Variants in GPATCH2 observed in about 807,000 individuals in gnomAD.
GPATCH2 encodes G-patch domain containing 2.
GPATCH2 carries 51 observed loss-of-function variants against 58.0 expected under a neutral mutation model. That is an observed-to-expected ratio of 0.88 (90% CI 0.70 to 1.11). GPATCH2 has a LOEUF of 1.11. Ranked by LOEUF, GPATCH2 falls within the 50% of genes most tolerant of loss-of-function variation. The pLI, the probability that GPATCH2 is intolerant of heterozygous loss-of-function variation, is 0.00. For synonymous variants in GPATCH2, 222 were observed against 218.5 expected (o/e 1.02, Z -0.14); for missense variants, 625 against 652.2 (o/e 0.96, Z 0.45).
chr1:217,527,594 CAAACA>C lies in GPATCH2; in HGVS notation c.1099-12710_1099-12706del, dbSNP rs531849663. ...GTGCCTTTCTATGTCAGGAGGGAAA[CAAACA>C]AAACAAAACAAAACAAAACAAAACC... On this transcript the variant is annotated intron_variant, in intron 5 of 9. Transcript: ENST00000366935. Among the ~76,000 whole-genome samples, 126 of 150,714 alleles carry C rather than the reference CAAACA, an allele frequency of 8.4e-4. 1 individual carries two copies. In the Middle Eastern group the frequency reaches 0.017, roughly 21 times the overall value.
At chr1:217,621,678 T>A (rs1669194504) in intron 1 of GPATCH2, among the ~76,000 whole-genome samples, 4 of 152,358 alleles carry the variant, frequency 2.6e-5, no homozygotes, top group African/African-American at 9.6e-5. Flanking sequence ...CCATAGTCTA[T>A]ATAGTCTCTA....
At chr1:217,465,397 T>C (rs1660401051) in intron 8 of GPATCH2, among the ~76,000 whole-genome samples, 1 of 152,050 alleles carries the variant, frequency 6.6e-6, no homozygotes, top group South Asian at 2.1e-4. Flanking sequence ...TATAAAACAT[T>C]ATAATTGGAG....
intron 5 of GPATCH2, among the ~76,000 whole-genome samples, chr1:217,532,914 T>C (rs1210947098): frequency 3.4e-5 from 5 of 145,688 alleles, no homozygotes; most frequent in Non-Finnish European, 7.5e-5. Flanking sequence ...TTTTTTTTTT[T>C]TTGAGACAGG....
intron 8 of GPATCH2, among the ~76,000 whole-genome samples, chr1:217,485,583 G>A (rs1571786076): frequency 6.6e-6 from 1 of 151,612 alleles, no homozygotes; most frequent in South Asian, 2.1e-4. Context: ...GTGCACATGT[G>A]GCTGTATTTC....
intron 5 of GPATCH2, among the ~76,000 whole-genome samples, chr1:217,536,861 C>A (rs926387642): frequency 6.6e-6 from 1 of 152,094 alleles, no homozygotes; most frequent in Non-Finnish European, 1.5e-5. Flanking sequence ...CCTGTAATCC[C>A]AGCTACTCGG....
At chr1:217,543,400 G>T (rs1270278408) in intron 5 of GPATCH2, among the ~76,000 whole-genome samples, 1 of 151,312 alleles carries the variant, frequency 6.6e-6, no homozygotes, top group Non-Finnish European at 1.5e-5. Flanking sequence ...CTCCCGAGTA[G>T]CTGGGACTAC....
intron 5 of GPATCH2, among the ~76,000 whole-genome samples, chr1:217,532,013 T>C (rs1664215578): frequency 6.6e-6 from 1 of 152,118 alleles, no homozygotes; most frequent in South Asian, 2.1e-4. Flanking sequence ...TCTGAAAAAA[T>C]AGGATACTGT....
At chr1:217,431,600 T>G (rs961563249) in intron 9 of GPATCH2, among the ~76,000 whole-genome samples, 1 of 152,240 alleles carries the variant, frequency 6.6e-6, no homozygotes, top group Non-Finnish European at 1.5e-5. Context: ...TCAGCCTCTC[T>G]GGGCTTTTGT....
chr1:217,459,674 G>A (rs1009677218), intron 8 of GPATCH2, among the ~76,000 whole-genome samples: 2 of 152,112 alleles, frequency 1.3e-5, no homozygotes, highest in Admixed American at 6.5e-5. Context: ...CTTTGATAAT[G>A]ACACTATTAT....
chr1:217,463,581 G>A (rs562893647), intron 8 of GPATCH2, among the ~76,000 whole-genome samples: 75 of 141,482 alleles, frequency 5.3e-4, no homozygotes, highest in African/African-American at 1.9e-3. Context: ...GAGATGGGAG[G>A]ACTGCCTGAG....
rs185297323 is a variant in GPATCH2, at chr1:217,521,966, G to A, written c.1099-7077C>T. ...AAAGACATAGACTTCAGTTAGTTTC[G>A]AAGCGATCTCACTATATTTTTAAGT... On this transcript the variant is annotated intron_variant, in intron 5 of 9. Transcript: ENST00000366935. Among the ~76,000 whole-genome samples the A allele has an allele frequency of 7.4e-4, 113 of 152,196 alleles. 1 individual carries two copies. The East Asian group carries it at 0.015, about 20-fold the overall frequency.
chr1:217,505,041 CT>C (rs1662482730), intron 6 of GPATCH2, among the ~76,000 whole-genome samples: 1 of 152,118 alleles, frequency 6.6e-6, no homozygotes, highest in African/African-American at 2.4e-5. Flanking sequence ...CATGGAGAGA[CT>C]AACAGTGGTA....
intron 8 of GPATCH2, among the ~76,000 whole-genome samples, chr1:217,483,489 CA>C (rs1661309843): frequency 6.6e-6 from 1 of 151,844 alleles, no homozygotes; most frequent in South Asian, 2.1e-4. Flanking sequence ...CTAGACCCCC[CA>C]TTGCTTTTTT....
At chr1:217,560,629 C>T (rs1308389479) in intron 5 of GPATCH2, among the ~76,000 whole-genome samples, 1 of 152,140 alleles carries the variant, frequency 6.6e-6, no homozygotes, top group Non-Finnish European at 1.5e-5. Context: ...AATTATGAAC[C>T]TCCAATTCTG....
intron 7 of GPATCH2, among the ~76,000 whole-genome samples, chr1:217,492,078 C>T (rs1407250868): frequency 6.6e-6 from 1 of 152,094 alleles, no homozygotes; most frequent in African/African-American, 2.4e-5. Context: ...GAGATGGAAG[C>T]CTAGAACTCA....
chr1:217,554,568 T>G lies in GPATCH2; in HGVS notation c.1099-39679A>C, dbSNP rs1285021284. On this transcript the variant is annotated intron_variant, in intron 5 of 9. Transcript: ENST00000366935. ...ATTATCACAAATGCTGTAGTTACTA[T>G]GTGTTGATTCAGGAATATATATACC... is the stretch of plus-strand genomic sequence containing the variant. 1.3e-4 allele frequency among the ~76,000 whole-genome samples: 20 copies of G among 152,248 alleles called. 1 individual carries two copies. The highest frequency in any genetic ancestry group is 1.3e-3 in the Admixed American group (20 of 15,290).
chr1:217,437,754 ACC>A (rs1395451379), intron 9 of GPATCH2, among the ~76,000 whole-genome samples: 1 of 151,840 alleles, frequency 6.6e-6, no homozygotes, highest in Non-Finnish European at 1.5e-5. Flanking sequence ...TAGATAAAAA[ACC>A]CCATCTCCCT....
rs147770615 is a variant in GPATCH2 at position 217,443,617 on chromosome 1, C to G, written c.1366+5632G>C. ...CCTGAATATTGCACCATCTTATTCT[C>G]TCTACTCTTCCTTCTGTAAGTTCTA... is the stretch of plus-strand genomic sequence containing the variant. On this transcript the variant is annotated intron_variant, in intron 9 of 9. Coordinates refer to ENST00000366935, the MANE Select transcript of GPATCH2 (RefSeq NM_018040.5). Among the ~76,000 whole-genome samples, 159 of 152,198 alleles carry G rather than the reference C, an allele frequency of 1.0e-3. 1 individual carries two copies. The highest frequency in any genetic ancestry group is 3.5e-3 in the African/African-American group (145 of 41,552).
In GPATCH2 at chr1:217,503,471, A is replaced by C. The variant is rs200326610; in HGVS notation, c.1167-5076T>G. Among the ~76,000 whole-genome samples, 26 of 152,250 alleles carry C rather than the reference A, an allele frequency of 1.7e-4. No homozygotes were observed. The East Asian group carries it at 4.4e-3, about 26-fold the overall frequency. ...AAAGAAACTTTTGGAAAGGAAAAAA[A>C]ACCTTTCAATCAAAAGCATAGGTGT... is the stretch of plus-strand genomic sequence containing the variant. On this transcript the variant is annotated intron_variant, in intron 6 of 9. Coordinates refer to ENST00000366935, the MANE Select transcript of GPATCH2 (RefSeq NM_018040.5).
Sources: allele counts gnomAD v4.1 joint callset (sites outside exome capture counted in the v4.1 genomes callset), GRCh38; gene constraint gnomAD v4.1.1; transcripts MANE v1.5; gene names NCBI Gene and HGNC (gene_info 2026-07-23, HGNC 2026-07-21).